Variants in MAP3K3 observed in about 807,000 individuals in gnomAD.
MAP3K3 encodes the protein mitogen-activated protein kinase kinase kinase 3.
MAP3K3 carries 12 observed loss-of-function variants against 80.9 expected under a neutral mutation model. That is an observed-to-expected ratio of 0.15 (90% confidence interval 0.10 to 0.24). The LOEUF (loss-of-function observed/expected upper bound fraction) is 0.24. Ranked by LOEUF, MAP3K3 falls within the 10% of genes least tolerant of loss-of-function variation. MAP3K3 has a pLI of 1.00. For synonymous variants in MAP3K3, 272 were observed against 307.1 expected (o/e 0.89, Z 1.19); for missense variants, 596 against 834.7 (o/e 0.71, Z 3.52).
chr17:63,688,484 T>C lies in MAP3K3; in HGVS notation c.711-43T>C, dbSNP rs1379528928. On this transcript the variant is annotated intron_variant, in intron 8 of 15. Transcript: ENST00000361733. ...GCCTGGACGCCCTGCTTGGTTGCTG[T>C]GGAAGTGTGCGGGAGTCTGTTTTTT... The C allele has an allele frequency of 2.7e-6, 4 of 1,505,728 alleles. No individual in the cohort carries two copies. In the Admixed American group the frequency reaches 5.0e-5, roughly 19 times the overall value. 93.3% of individuals were successfully genotyped at this position (1,505,728 alleles called of 1,614,324 possible).
At chr17:63,653,559 A>G (rs995307644) in intron 4 of MAP3K3, among the ~76,000 whole-genome samples, 5 of 152,198 alleles carry the variant, frequency 3.3e-5, no homozygotes, top group Non-Finnish European at 7.3e-5. Flanking sequence ...CCAAATATAA[A>G]TCATTGTTAT....
intron 3 of MAP3K3, among the ~76,000 whole-genome samples, chr17:63,650,970 C>T (rs891614362): frequency 4.6e-5 from 7 of 151,958 alleles, no homozygotes; most frequent in Non-Finnish European, 8.8e-5. Context: ...GTGCTTGGCC[C>T]CCAAGATTTT....
At chr17:63,640,814 AAG>A (rs1480009099) in intron 2 of MAP3K3, among the ~76,000 whole-genome samples, 2 of 152,166 alleles carry the variant, frequency 1.3e-5, no homozygotes, top group Non-Finnish European at 1.5e-5. Flanking sequence ...CCTGCCAGGG[AAG>A]AGAGTATAGA....
At chr17:63,685,228 G>A (rs1410282440) in intron 7 of MAP3K3, among the ~76,000 whole-genome samples, 3 of 152,202 alleles carry the variant, frequency 2.0e-5, no homozygotes, top group African/African-American at 7.2e-5. Context: ...AGGCTCCAGT[G>A]TTAATGAGCC....
At chr17:63,652,829 G>A (rs1239063389) in intron 4 of MAP3K3, among the ~76,000 whole-genome samples, 173 bp downstream of exon 4, 2 of 151,980 alleles carry the variant, frequency 1.3e-5, no homozygotes, top group African/African-American at 2.4e-5. Context: ...TTTACTACAT[G>A]GGAGATTACT....
At chr17:63,690,195 C>A in intron 11 of MAP3K3, 69 bp from the exon 12 acceptor site, 1 of 1,531,730 alleles carries the variant, frequency 6.5e-7, no homozygotes, top group Non-Finnish European at 8.8e-7. Context: ...AGACCCTGTT[C>A]CTGGAGAATG....
intron 1 of MAP3K3, among the ~76,000 whole-genome samples, chr17:63,624,369 A>G (rs2034056937): frequency 6.6e-6 from 1 of 152,198 alleles, no homozygotes; most frequent in South Asian, 2.1e-4. Flanking sequence ...AGTGTGAAAT[A>G]CTTAAGGGTA....
intron 8 of MAP3K3, 121 bp downstream of exon 8, chr17:63,685,711 T>C: frequency 1.3e-6 from 1 of 763,074 alleles, no homozygotes; most frequent in South Asian, 1.5e-5. Context: ...GGAAAAGCCT[T>C]CTCCTTAATT....
At position 63,622,731 on chromosome 17, in the gene MAP3K3, C is replaced by T. The variant is rs1433835249; in HGVS notation, c.-29C>T. 7.8e-6 allele frequency: 4 copies of T among 511,280 alleles called. No individual in the cohort carries two copies. Among genetic ancestry groups the T allele is most frequent in the Non-Finnish European group, 1.1e-5 (3 of 265,586 alleles). The allele number at this position is 511,280 out of a possible 1,614,324, so 31.7% of individuals were successfully genotyped here. A position where few individuals can be genotyped will look rare whatever the true frequency, so the allele number is the denominator to read the frequency against. ...CGGCTGCGGAGGTGACACTCACGGA[C>T]CTTAGCCACCGCCGCCGCCATCGCC... On this transcript the variant is annotated 5_prime_UTR_variant, in exon 1 of 16. Coordinates refer to ENST00000361733, the MANE Select transcript of MAP3K3 (RefSeq NM_002401.5).
rs1430005257 is a variant in MAP3K3 at position 63,646,085 on chromosome 17, C to T, written c.167+11C>T. On this transcript the variant is annotated intron_variant, in intron 3 of 15. Transcript: ENST00000361733. ...CAACGGGGAGAGGCGGTAAGTCTGC[C>T]TTCTGATGAGTAGCTGTGTTCATGT... The T allele has an allele frequency of 1.2e-6, 2 of 1,613,414 alleles. No individual in the cohort carries two copies. The highest frequency in any genetic ancestry group is 1.7e-5 in the Admixed American group (1 of 59,998).
chr17:63,635,703 CAG>C (rs1056669461), intron 2 of MAP3K3, among the ~76,000 whole-genome samples: 3 of 152,126 alleles, frequency 2.0e-5, no homozygotes, highest in African/African-American at 4.8e-5. Flanking sequence ...TTATAATTCA[CAG>C]AGTTACACAT....
In MAP3K3 at chr17:63,655,011, T is replaced by TC. The variant is rs201293817; in HGVS notation, c.267+2355_267+2356insC. Among the ~76,000 whole-genome samples, 1,289 of 150,914 alleles carry TC rather than the reference T, an allele frequency of 8.5e-3. 21 individuals are homozygous for TC. Among genetic ancestry groups the TC allele is most frequent in the African/African-American group, 0.03 (1,213 of 41,046 alleles). Reference sequence around the variant, plus strand: ...AGATTGCAGCTCATTTGAGACAGAGTTGAGACTCTGTCTCAAAAAACGATT... The same window carrying TC: ...AGATTGCAGCTCATTTGAGACAGAGTCTGAGACTCTGTCTCAAAAAACGATT... On this transcript the variant is annotated intron_variant, in intron 4 of 15. Transcript: ENST00000361733.
At chr17:63,661,336 C>T (rs191082489) in intron 5 of MAP3K3, among the ~76,000 whole-genome samples, 5 of 152,324 alleles carry the variant, frequency 3.3e-5, no homozygotes, top group Admixed American at 1.3e-4. Context: ...TGTGAGCCAC[C>T]GGATCTGGCC....
At chr17:63,657,102 A>T (rs1211934328) in intron 4 of MAP3K3, among the ~76,000 whole-genome samples, 1 of 152,118 alleles carries the variant, frequency 6.6e-6, no homozygotes, top group Admixed American at 6.6e-5. Context: ...AACAATTTTC[A>T]TCCTCTGACC....
At chr17:63,624,564 A>G (rs932451366) in intron 1 of MAP3K3, among the ~76,000 whole-genome samples, 1 of 152,234 alleles carries the variant, frequency 6.6e-6, no homozygotes, top group African/African-American at 2.4e-5. Context: ...AGGAAACTAT[A>G]TAGGCTGGGT....
chr17:63,681,674 A>G, intron 6 of MAP3K3, 92 bp from the exon 7 acceptor site: 1 of 1,211,552 alleles, frequency 8.3e-7, no homozygotes, highest in Non-Finnish European at 1.1e-6. Context: ...CACATTCCTG[A>G]CCTCTAGGGC....
chr17:63,630,604 G>A (rs1407647616), intron 1 of MAP3K3, among the ~76,000 whole-genome samples: 1 of 152,184 alleles, frequency 6.6e-6, no homozygotes, highest in Non-Finnish European at 1.5e-5. Flanking sequence ...TGGGATTACA[G>A]GCATGAGCCA....
chr17:63,645,931 G>A, intron 2 of MAP3K3, 103 bp from the exon 3 acceptor site: 2 of 809,544 alleles, frequency 2.5e-6, no homozygotes, highest in East Asian at 2.5e-5. Context: ...CATCAGGGAT[G>A]TATGCCTAAT....
rs117968044 is a variant in MAP3K3 at position 63,650,832 on chromosome 17, T to C, written c.168-1725T>C. Among the ~76,000 whole-genome samples the C allele has an allele frequency of 7.3e-3, 1,112 of 151,928 alleles. 3 individuals carry two copies. Among genetic ancestry groups the C allele is most frequent in the Middle Eastern group, 0.017 (5 of 294 alleles). ...TCAGCCTCCCAAGTAGCTTAGACTATAAGCATGTACTATCACACCTGGCTA... is the reference window on the plus strand; with the variant it reads ...TCAGCCTCCCAAGTAGCTTAGACTACAAGCATGTACTATCACACCTGGCTA... On this transcript the variant is annotated intron_variant, in intron 3 of 15. Transcript: ENST00000361733.
Sources: gnomAD v4.1 joint callset for allele counts (sites outside exome capture counted in the v4.1 genomes callset) on GRCh38, gnomAD v4.1.1 for gene constraint, MANE v1.5 for transcripts, NCBI Gene and HGNC (gene_info 2026-07-23, HGNC 2026-07-21) for gene names.